ABCC12: variants seen among roughly 807,000 people sequenced by gnomAD.
The protein encoded by ABCC12 is ATP-binding cassette sub-family C member 12.
A neutral mutation model predicts 151.1 loss-of-function variants in ABCC12; 142 were observed. The ratio of observed to expected loss-of-function variants is 0.94; its 90% confidence interval spans 0.82 to 1.08. The LOEUF is 1.08. Among genes scored for constraint, ABCC12 ranks in the 50% least tolerant of loss-of-function variants. The pLI is 0.00. For missense variants in ABCC12, 1,638 were observed against 1,691.1 expected, an observed-to-expected ratio of 0.97 and a Z score of 0.55; for synonymous variants, 645 against 646.4, an observed-to-expected ratio of 1.00 and a Z score of 0.03.
intron 24 of ABCC12, among the ~76,000 whole-genome samples, chr16:48,091,416 T>C (rs532843697): frequency 1.2e-3 from 185 of 152,342 alleles, no homozygotes; most frequent in Non-Finnish European, 2.4e-3. Flanking sequence ...TCCTTTGTAT[T>C]TAGAAACAAA....
At chr16:48,120,558 G>GTTT (rs61563975) in intron 13 of ABCC12, among the ~76,000 whole-genome samples, 1 of 137,934 alleles carries the variant, frequency 7.2e-6, no homozygotes. Flanking sequence ...TGAGTTTTTT[G>GTTT]TTTTTTTTTT....
At chr16:48,143,801 AC>A in intron 4 of ABCC12, 108 bp downstream of exon 4, 2 of 1,376,446 alleles carry the variant, frequency 1.5e-6, no homozygotes, top group Non-Finnish European at 2.0e-6. Flanking sequence ...GTCACATGGA[AC>A]TGTGAGTCCA....
chr16:48,135,497 C>G (rs972909540), intron 8 of ABCC12, among the ~76,000 whole-genome samples: 3 of 152,140 alleles, frequency 2.0e-5, no homozygotes, highest in African/African-American at 4.8e-5. Context: ...CCTTCCACCT[C>G]AGCCTCCTGA....
chr16:48,146,715 A>T (rs1158968765), intron 2 of ABCC12: 3 of 294,608 alleles, frequency 1.0e-5, no homozygotes, highest in African/African-American at 6.6e-5. Context: ...GGGTTGGCCA[A>T]GAGCAGAAAA....
intron 7 of ABCC12, 27 bp downstream of exon 7, chr16:48,139,136 G>T: frequency 6.4e-7 from 1 of 1,559,982 alleles, no homozygotes; most frequent in Non-Finnish European, 8.7e-7. Flanking sequence ...ATACAAAGCA[G>T]TTAGAAGCGC....
chr16:48,147,746 T>C (rs576555992), intron 2 of ABCC12, among the ~76,000 whole-genome samples: 2 of 152,310 alleles, frequency 1.3e-5, no homozygotes, highest in East Asian at 3.9e-4. Context: ...GCTTATATTA[T>C]ATAACAAGAG....
chr16:48,137,124 G>C (rs762948481), intron 8 of ABCC12, among the ~76,000 whole-genome samples: 12 of 150,412 alleles, frequency 8.0e-5, no homozygotes, highest in Non-Finnish European at 1.5e-4. Flanking sequence ...GCAGTGCCTA[G>C]ATGTCTTGCA....
chr16:48,111,619 T>C lies in ABCC12; in HGVS notation c.2168A>G (p.Lys723Arg). Reference sequence around the variant, plus strand: ...TTCCTCTCTCTCAGCAGGGCTCTCCTTGAAGGCTTCCACCATTGCTGCATT... The same window carrying C: ...TTCCTCTCTCTCAGCAGGGCTCTCCCTGAAGGCTTCCACCATTGCTGCATT... Reference protein sequence around the residue: ...LYNAAMVEAFKESPAEREEDA... With the variant: ...LYNAAMVEAFRESPAEREEDA... The change falls in exon 17 of 31, where the codon AAG (lysine) becomes AGG (arginine). Residue 723 changes from lysine to arginine, a missense_variant. Transcript: ENST00000311303. 1 of 1,614,164 alleles carries C rather than the reference T, an allele frequency of 6.2e-7. No individual in the cohort carries two copies. Among genetic ancestry groups the C allele is most frequent in the Non-Finnish European group, 8.5e-7 (1 of 1,180,036 alleles).
Position 48,117,411 on chromosome 16 carries a change from T to C in ABCC12, c.1713-78A>G, listed in dbSNP as rs1254276720. ...TGCCCTGGGCTGCTTCCACAGGCGC[T>C]GCTGGTGTTGCTGGGGCAAGGCCAG... On this transcript the variant is annotated intron_variant, in intron 13 of 30. Transcript: ENST00000311303. The C allele has an allele frequency of 3.4e-6, 5 of 1,489,540 alleles. No homozygotes were observed. In the African/African-American group the frequency reaches 6.9e-5, roughly 21 times the overall value. The allele number at this position is 1,489,540 out of a possible 1,614,324, so 92.3% of individuals were successfully genotyped here.
Position 48,104,445 on chromosome 16 carries a change from T to C in ABCC12, c.2674-77A>G, listed in dbSNP as rs74645023. 1,337 of 1,387,552 alleles carry C rather than the reference T, an allele frequency of 9.6e-4. 8 individuals carry two copies. The African/African-American group carries it at 9.8e-3, about 10-fold the overall frequency. 86.0% of individuals were successfully genotyped at this position (1,387,552 alleles called of 1,614,324 possible). A position where few individuals can be genotyped will look rare whatever the true frequency, so the allele number is the denominator to read the frequency against. ...CCCTGCTGCTCTGCTGGAGGTGAAA[T>C]TGTGAGCACAGGGCCTGACCTTTTT... is the stretch of plus-strand genomic sequence containing the variant. On this transcript the variant is annotated intron_variant, in intron 21 of 30. Coordinates refer to ENST00000311303, the MANE Select transcript of ABCC12 (RefSeq NM_001393797.1).
chr16:48,117,754 G>C (rs551104771), intron 13 of ABCC12, among the ~76,000 whole-genome samples: 1 of 152,298 alleles, frequency 6.6e-6, no homozygotes, highest in East Asian at 1.9e-4. Flanking sequence ...GTGGAAGAGA[G>C]GGTGTGTGTG....
In ABCC12 at chr16:48,083,913, C is replaced by T. The variant is rs781478647; in HGVS notation, c.3989G>A (p.Gly1330Glu). Residue 1330 changes from glycine (G) to glutamate (E), a missense_variant, in exon 30 of 31, where the codon GGG (glycine) becomes GAG (glutamate). Gly to Glu is a moderately conservative substitution (Grantham distance 98). Transcript: ENST00000311303. The part of the protein sequence containing the change: ...NCDHVLVMEN[G>E]KVIEFDKPEV... ...AGCCAAAAGAGCTTCCTATACCTTC[C>T]CATTTTCCATAACCAGGACGTGATC... 14 of 1,611,878 alleles carry T rather than the reference C, an allele frequency of 8.7e-6. No homozygotes were observed. The highest frequency in any genetic ancestry group is 1.3e-5 in the African/African-American group (1 of 74,678).
At chr16:48,100,736 G>A (rs1963274474) in intron 23 of ABCC12, 136 bp downstream of exon 23, 2 of 1,089,642 alleles carry the variant, frequency 1.8e-6, no homozygotes, top group Non-Finnish European at 2.5e-6. Context: ...GTGTCTTCAA[G>A]GACTCCTCCT....
At chr16:48,146,597 G>A (rs1965012172) in intron 2 of ABCC12, 123 bp from the exon 3 acceptor site, 2 of 596,716 alleles carry the variant, frequency 3.4e-6, no homozygotes, top group Middle Eastern at 3.4e-4. Flanking sequence ...TCACCAATGA[G>A]CTTTCCACAT....
intron 7 of ABCC12, among the ~76,000 whole-genome samples, 179 bp from the exon 8 acceptor site, chr16:48,138,554 G>C (rs985221044): frequency 6.6e-6 from 1 of 152,160 alleles, no homozygotes; most frequent in Non-Finnish European, 1.5e-5. Flanking sequence ...ACACCATGGG[G>C]GGTCAGGCAG....
intron 8 of ABCC12, among the ~76,000 whole-genome samples, chr16:48,137,819 C>T (rs1022518976): frequency 7.2e-5 from 11 of 152,186 alleles, no homozygotes; most frequent in African/African-American, 1.9e-4. Flanking sequence ...GTGGACCATC[C>T]GAACACAAGG....
At chr16:48,098,138 C>G (rs1033566464) in intron 23 of ABCC12, among the ~76,000 whole-genome samples, 12 of 144,956 alleles carry the variant, frequency 8.3e-5, no homozygotes, top group Admixed American at 3.4e-4. Flanking sequence ...CACACACACA[C>G]AGCATAGCCT....
At chr16:48,104,453 A>G in intron 21 of ABCC12, 85 bp from the exon 22 acceptor site, 1 of 1,255,716 alleles carries the variant, frequency 8.0e-7, no homozygotes, top group Non-Finnish European at 1.2e-6. Context: ...AATTGTGAGC[A>G]CAGGGCCTGA....
At chr16:48,119,771 T>C (rs1403127457) in intron 13 of ABCC12, among the ~76,000 whole-genome samples, 2 of 152,180 alleles carry the variant, frequency 1.3e-5, no homozygotes, top group Admixed American at 6.5e-5. Flanking sequence ...TAATTAAGCA[T>C]TGTGATGCCT....
Sources: allele counts gnomAD v4.1 joint callset (sites outside exome capture counted in the v4.1 genomes callset), GRCh38; gene constraint gnomAD v4.1.1; transcripts MANE v1.5; gene names NCBI Gene and HGNC (gene_info 2026-07-23, HGNC 2026-07-21).